The following RBM44 variants were observed in gnomAD, a reference collection of about 807,000 sequenced individuals.
RBM44 encodes RNA-binding protein 44.
Under a neutral mutation model 105.1 loss-of-function variants are expected in RBM44, and 66 were observed. The observed-to-expected ratio is 0.63, with a 90% CI of 0.52 to 0.77. RBM44 has a LOEUF of 0.77. RBM44 is among the 30% of genes least tolerant of loss of function. The probability of loss-of-function intolerance (pLI) is 0.00; values close to 1 mark genes in which losing one functional copy is unlikely to be tolerated. For synonymous variants in RBM44, 365 were observed against 417.6 expected (o/e 0.87, Z 1.54); for missense variants, 1,122 against 1,207.8 (o/e 0.93, Z 1.05).
In RBM44 at chr2:237,817,651, C is replaced by A; in HGVS notation, c.732C>A (p.Ile244=). ...GTGTTAACTCGGGAAGTGGTTCTATCATCTCTTTCGATTCACTTGATGTTT... is the reference window on the plus strand; with the variant it reads ...GTGTTAACTCGGGAAGTGGTTCTATAATCTCTTTCGATTCACTTGATGTTT... ...DNRVNSGSGS[I]ISFDSLDVYG... Residue 244 remains isoleucine (I), a synonymous_variant, in exon 3 of 16, where the codon ATC becomes ATA. Transcript: ENST00000316997. The A allele has an allele frequency of 3.1e-6, 5 of 1,612,804 alleles. No homozygotes were observed. The highest frequency in any genetic ancestry group is 2.5e-6 in the Non-Finnish European group (3 of 1,179,310).
chr2:237,809,137 T>A (rs1468548975), intron 1 of RBM44, among the ~76,000 whole-genome samples: 2 of 152,198 alleles, frequency 1.3e-5, no homozygotes, highest in Non-Finnish European at 2.9e-5. Flanking sequence ...CATTTTAATT[T>A]ACATTTTTGA....
chr2:237,838,810 C>G lies in RBM44; in HGVS notation c.*23-3029C>G, dbSNP rs568599508. Among the ~76,000 whole-genome samples the G allele has an allele frequency of 9.2e-5, 14 of 152,222 alleles. No homozygotes were observed. In the South Asian group the frequency reaches 2.3e-3, roughly 25 times the overall value. ...TGGAGGAAACAGGGTTCCAAAAGTC[C>G]TTTTCCAGTGGAATCACACAAGATG... On this transcript the variant is annotated intron_variant, in intron 15 of 15. Coordinates refer to ENST00000316997, the MANE Select transcript of RBM44 (RefSeq NM_001080504.3).
rs1364682931 is a variant in RBM44 at position 237,821,776 on chromosome 2, G to A, written c.2154G>A (p.Gln718=). ...FSEADAEQDN[Q]RAHDVDVSSN... is the part of the protein sequence containing the mutation. ...AAGCAGATGCTGAACAAGATAATCAGAGGGCTCATGATGTTGATGTTTCTT... is the reference window on the plus strand; with the variant it reads ...AAGCAGATGCTGAACAAGATAATCAAAGGGCTCATGATGTTGATGTTTCTT... Residue 718 remains glutamine (Q), a synonymous_variant, in exon 8 of 16, where the codon CAG becomes CAA. Coordinates refer to ENST00000316997, the MANE Select transcript of RBM44 (RefSeq NM_001080504.3). 6.2e-7 allele frequency: 1 copy of A among 1,611,392 alleles called. No individual in the cohort carries two copies. Among genetic ancestry groups the A allele is most frequent in the South Asian group, 1.1e-5 (1 of 90,940 alleles).
intron 2 of RBM44, among the ~76,000 whole-genome samples, chr2:237,816,296 A>G (rs1051076878): frequency 6.6e-6 from 1 of 152,152 alleles, no homozygotes; most frequent in African/African-American, 2.4e-5. Flanking sequence ...TATGAAAACT[A>G]TAAGCACTTG....
chr2:237,818,205 C>T lies in RBM44; in HGVS notation c.1286C>T (p.Ser429Phe). The stretch of plus-strand genomic sequence containing the variant: ...AATCAGGCAATAGAAGATAATACGT[C>T]CCTAAAAGTTGCTCATAGCAGTACC... ...RDNQAIEDNT[S>F]LKVAHSSTTK... Residue 429 changes from serine to phenylalanine, a missense_variant, in exon 3 of 16, where the codon TCC (serine) becomes TTC (phenylalanine). Around this residue, in one of 3 missense-constraint regions of RBM44, gnomAD observed 918 missense variants for 955.3 expected, o/e 0.96. Coordinates refer to ENST00000316997, the MANE Select transcript of RBM44 (RefSeq NM_001080504.3). The surrounding 1 kb of genome is among the most constrained non-coding windows in gnomAD (Gnocchi z 4.6). 1 of 1,613,158 alleles carries T rather than the reference C, an allele frequency of 6.2e-7. No homozygotes were observed. Among genetic ancestry groups the T allele is most frequent in the Non-Finnish European group, 8.5e-7 (1 of 1,179,496 alleles).
chr2:237,805,713 C>A (rs1166593731), intron 1 of RBM44, among the ~76,000 whole-genome samples: 2 of 152,198 alleles, frequency 1.3e-5, no homozygotes, highest in African/African-American at 4.8e-5. Flanking sequence ...GCCTGTAACC[C>A]TAGCACTTTG....
Position 237,829,408 on chromosome 2 carries a change from A to G in RBM44, c.2792A>G (p.Gln931Arg). 1 of 1,613,780 alleles carries G rather than the reference A, an allele frequency of 6.2e-7. No homozygotes were observed. The change falls in exon 13 of 16, where the codon CAA becomes CGA. Residue 931 changes from glutamine to arginine, a missense_variant. By Grantham distance (43) the Gln-to-Arg change is conservative. Transcript: ENST00000316997. ...AATTTAGAGAAAAGCACCAACAAAC[A>G]AATCCACTCAGAATTCTCCATTTCT... is the stretch of plus-strand genomic sequence containing the variant. ...SNNLEKSTNK[Q>R]IHSEFSISRL... is the part of the protein sequence containing the mutation.
At chr2:237,829,571 T>G (rs2061883695) in intron 13 of RBM44, 69 bp downstream of exon 13, 4 of 1,351,704 alleles carry the variant, frequency 3.0e-6, no homozygotes, top group Non-Finnish European at 4.1e-6. Flanking sequence ...CTTTGTAGAA[T>G]AAATAACTTC....
intron 1 of RBM44, among the ~76,000 whole-genome samples, chr2:237,809,823 T>C (rs751263893): frequency 1.3e-5 from 2 of 152,188 alleles, no homozygotes; most frequent in Non-Finnish European, 2.9e-5. Flanking sequence ...TCCCAGCTAC[T>C]CAGGAGGCTG....
At position 237,823,499 on chromosome 2, in the gene RBM44, C is replaced by G. The variant is rs879509774; in HGVS notation, c.2265C>G (p.Asp755Glu). The G allele has an allele frequency of 3.9e-6, 6 of 1,543,822 alleles. No homozygotes were observed. Among genetic ancestry groups the G allele is most frequent in the Non-Finnish European group, 3.5e-6 (4 of 1,138,376 alleles). ...AAAACATATCACCCAAGAAAGATGACTTTAAAAATGGTGATATAAATGCAG... is the reference window on the plus strand; with the variant it reads ...AAAACATATCACCCAAGAAAGATGAGTTTAAAAATGGTGATATAAATGCAG... The part of the protein sequence containing the change: ...ATQNISPKKD[D>E]FKNGDINADF... The change falls in exon 9 of 16, where the codon GAC (aspartate) becomes GAG (glutamate). Residue 755 changes from aspartate (D) to glutamate (E), a missense_variant. Physicochemically the swap from Asp to Glu is conservative, Grantham distance 45 (BLOSUM62 2). Around this residue, in one of 3 missense-constraint regions of RBM44, gnomAD observed 918 missense variants for 955.3 expected, o/e 0.96. Transcript: ENST00000316997.
intron 15 of RBM44, among the ~76,000 whole-genome samples, chr2:237,838,237 G>T (rs1198819): frequency 0.52 from 78,657 of 151,956 alleles, 20,635 homozygotes; most frequent in East Asian, 0.7. Flanking sequence ...CAGCTGACTC[G>T]CAACAGAAGT....
chr2:237,811,676 G>T (rs2061659824), intron 1 of RBM44, among the ~76,000 whole-genome samples: 1 of 148,932 alleles, frequency 6.7e-6, no homozygotes. Flanking sequence ...CTGCTTCTGA[G>T]TCTTTAAAAA....
At chr2:237,824,202 T>C (rs1329158878) in intron 9 of RBM44, 89 bp from the exon 10 acceptor site, 16 of 1,254,256 alleles carry the variant, frequency 1.3e-5, no homozygotes, top group Middle Eastern at 3.8e-4. Flanking sequence ...GTAGTCATCA[T>C]CGTACTGATT....
chr2:237,812,756 T>G (rs1248930929), intron 1 of RBM44, among the ~76,000 whole-genome samples: 2 of 152,160 alleles, frequency 1.3e-5, no homozygotes, highest in African/African-American at 4.8e-5. Context: ...TTTTGTGAGT[T>G]GGCTGGACTT....
rs1194862702 is a variant in RBM44 at position 237,803,038 on chromosome 2, G to A, written c.-19+4177G>A. Among the ~76,000 whole-genome samples the A allele has an allele frequency of 6.6e-6, 1 of 152,130 alleles. No individual in the cohort carries two copies. The highest frequency in any genetic ancestry group is 1.5e-5 in the Non-Finnish European group (1 of 68,014). ...TCCCAGCACTTTGGGAGGCCGAGGCGGGTGGATCACTTGAGGTCAGGAGTT... is the reference window on the plus strand; with the variant it reads ...TCCCAGCACTTTGGGAGGCCGAGGCAGGTGGATCACTTGAGGTCAGGAGTT... On this transcript the variant is annotated intron_variant, in intron 1 of 15. Transcript: ENST00000316997. This position sits in a 1 kb window ranked among gnomAD's most constrained non-coding sequence, Gnocchi z 4.2.
At chr2:237,827,823 A>G (rs1008316103) in intron 12 of RBM44, among the ~76,000 whole-genome samples, 2 of 152,206 alleles carry the variant, frequency 1.3e-5, no homozygotes, top group African/African-American at 2.4e-5. Flanking sequence ...TTCCAGAAAT[A>G]GATAACATCG....
At chr2:237,831,966 C>A (rs1022888168) in intron 13 of RBM44, among the ~76,000 whole-genome samples, 4 of 152,010 alleles carry the variant, frequency 2.6e-5, no homozygotes, top group African/African-American at 7.3e-5. Flanking sequence ...TCGTGTAGCA[C>A]ATGTGGTCTC....
At chr2:237,839,926 G>A (rs1048122540) in intron 15 of RBM44, among the ~76,000 whole-genome samples, 8 of 152,152 alleles carry the variant, frequency 5.3e-5, no homozygotes, top group Non-Finnish European at 1.2e-4. Flanking sequence ...GGGAGGGGGT[G>A]GCTCACGCCA....
intron 12 of RBM44, among the ~76,000 whole-genome samples, 163 bp from the exon 13 acceptor site, chr2:237,829,054 T>G (rs2061877373): frequency 6.6e-6 from 1 of 152,230 alleles, no homozygotes; most frequent in Non-Finnish European, 1.5e-5. Flanking sequence ...TTAGTTATCC[T>G]AAATAAATAT....
Sources: gnomAD v4.1 joint callset for allele counts (sites outside exome capture counted in the v4.1 genomes callset) on GRCh38, gnomAD v4.1.1 for gene constraint, gnomAD v4.1.1 regional missense constraint, Gnocchi (gnomAD v3.1) non-coding constraint, MANE v1.5 for transcripts, NCBI Gene and HGNC (gene_info 2026-07-23, HGNC 2026-07-21) for gene names.